SHANK2: variants seen among roughly 807,000 people sequenced by gnomAD.
SHANK2 encodes the protein SH3 and multiple ankyrin repeat domains protein 2.
Under a neutral mutation model 133.7 loss-of-function variants are expected in SHANK2, and 43 were observed. The observed-to-expected ratio is 0.32, with a 90% CI of 0.25 to 0.41. The LOEUF is 0.41. SHANK2 is among the 10% of genes least tolerant of loss of function. The pLI is 1.00. For synonymous variants in SHANK2, 1,017 were observed against 952.8 expected (o/e 1.07, Z -1.24); for missense variants, 1,994 against 2,235.8 (o/e 0.89, Z 2.18).
chr11:70,780,908 T>C (rs527954776), intron 14 of SHANK2, among the ~76,000 whole-genome samples: 1 of 152,236 alleles, frequency 6.6e-6, no homozygotes, highest in East Asian at 1.9e-4. Flanking sequence ...AATAGTTTTT[T>C]TGTTTTGTGT....
chr11:70,674,971 T>A lies in SHANK2; in HGVS notation c.1854-13293A>T, dbSNP rs1944881124. On this transcript the variant is annotated intron_variant, in intron 15 of 25. Transcript: ENST00000601538. ...GCATATAACTATGTATAATAAAAACTAAGAAAAGTCTCAATCTTGCTGCAG... is the reference window on the plus strand; with the variant it reads ...GCATATAACTATGTATAATAAAAACAAAGAAAAGTCTCAATCTTGCTGCAG... Among the ~76,000 whole-genome samples the A allele has an allele frequency of 3.9e-5, 6 of 152,354 alleles. No homozygotes were observed. The South Asian group carries it at 1.2e-3, about 32-fold the overall frequency.
chr11:71,081,860 C>T (rs1014730235), intron 8 of SHANK2, among the ~76,000 whole-genome samples: 11 of 152,222 alleles, frequency 7.2e-5, no homozygotes, highest in Non-Finnish European at 1.0e-4. Flanking sequence ...CAGGGGCAGA[C>T]CCTGAGCCCC....
chr11:70,847,943 G>A (rs985427039), intron 11 of SHANK2, among the ~76,000 whole-genome samples: 1 of 152,228 alleles, frequency 6.6e-6, no homozygotes, highest in Non-Finnish European at 1.5e-5. Flanking sequence ...GAGACCTGGG[G>A]AGCCCAGGGC....
chr11:70,804,252 C>T lies in SHANK2; in HGVS notation c.1663+2750G>A, dbSNP rs944026867. Among the ~76,000 whole-genome samples, 51 of 151,922 alleles carry T rather than the reference C, an allele frequency of 3.4e-4. No homozygotes were observed. Among genetic ancestry groups the T allele is most frequent in the Non-Finnish European group, 1.5e-4 (10 of 67,832 alleles). On this transcript the variant is annotated intron_variant, in intron 13 of 25. Coordinates refer to ENST00000601538, the MANE Select transcript of SHANK2 (RefSeq NM_012309.5). This position sits in a 1 kb window ranked among gnomAD's most constrained non-coding sequence, Gnocchi z 4.1. ...TGGCTCTGCAGGCAGTGGATCGGCT[C>T]GACCCGCCCGCCTCTAAGCACTGCC... is the stretch of plus-strand genomic sequence containing the variant.
At chr11:70,478,563 A>AAGAT (rs1425093973) in intron 25 of SHANK2, among the ~76,000 whole-genome samples, 1 of 152,220 alleles carries the variant, frequency 6.6e-6, no homozygotes, top group African/African-American at 2.4e-5. Context: ...GGGCATTGAA[A>AAGAT]AGATAGAACC....
At chr11:70,751,445 T>G (rs1378073498) in intron 14 of SHANK2, among the ~76,000 whole-genome samples, 3 of 152,130 alleles carry the variant, frequency 2.0e-5, no homozygotes, top group African/African-American at 7.2e-5. Context: ...AAAGGTTAAA[T>G]CAAGACATTT....
intron 17 of SHANK2, among the ~76,000 whole-genome samples, chr11:70,561,525 C>T (rs1284796000): frequency 4.0e-5 from 6 of 151,584 alleles, no homozygotes; most frequent in Non-Finnish European, 8.8e-5. Context: ...ACTTCTTCTG[C>T]TTGCTTGTTG....
rs554375787 is a variant in SHANK2 at position 70,903,813 on chromosome 11, G to T, written c.1108-7246C>A. On this transcript the variant is annotated intron_variant, in intron 10 of 25. Coordinates refer to ENST00000601538, the MANE Select transcript of SHANK2 (RefSeq NM_012309.5). ...TCCAGCTTTGCAGTACCAGGAGAAGGTGCTGTGTGCCAGATGCAAAGCCCC... is the reference window on the plus strand; with the variant it reads ...TCCAGCTTTGCAGTACCAGGAGAAGTTGCTGTGTGCCAGATGCAAAGCCCC... Among the ~76,000 whole-genome samples the T allele has an allele frequency of 3.3e-5, 5 of 152,326 alleles. No individual in the cohort carries two copies. The East Asian group carries it at 9.6e-4, about 29-fold the overall frequency.
intron 17 of SHANK2, among the ~76,000 whole-genome samples, chr11:70,658,012 G>T (rs1383623858): frequency 1.3e-5 from 2 of 152,262 alleles, no homozygotes; most frequent in East Asian, 1.9e-4. Context: ...TATTGATGAG[G>T]TTATCCAGGA....
In SHANK2 at chr11:70,882,475, C is replaced by T. The variant is rs1197334757; in HGVS notation, c.1174+14026G>A. ...AATGGCCCAGTGAAAAAGATCATGACAGAAGCTGCCAAGGATTCCTTACCT... is the reference window on the plus strand; with the variant it reads ...AATGGCCCAGTGAAAAAGATCATGATAGAAGCTGCCAAGGATTCCTTACCT... On this transcript the variant is annotated intron_variant, in intron 11 of 25. Coordinates refer to ENST00000601538, the MANE Select transcript of SHANK2 (RefSeq NM_012309.5). This position sits in a 1 kb window ranked among gnomAD's most constrained non-coding sequence, Gnocchi z 4.2. Among the ~76,000 whole-genome samples, 1 of 152,310 alleles carries T rather than the reference C, an allele frequency of 6.6e-6. No individual in the cohort carries two copies. The highest frequency in any genetic ancestry group is 1.5e-5 in the Non-Finnish European group (1 of 68,030).
At chr11:71,181,090 G>A (rs1326027191) in intron 2 of SHANK2, among the ~76,000 whole-genome samples, 1 of 152,124 alleles carries the variant, frequency 6.6e-6, no homozygotes, top group Non-Finnish European at 1.5e-5. Flanking sequence ...GATGGCGGAA[G>A]ATCCTTGAGT....
chr11:71,225,503 T>C (rs1565526678), intron 1 of SHANK2, among the ~76,000 whole-genome samples: 1 of 152,208 alleles, frequency 6.6e-6, no homozygotes, highest in African/African-American at 2.4e-5. Flanking sequence ...CACCTTCCCT[T>C]GTGGAAGTGG....
At chr11:70,820,706 G>A (rs1555055756) in intron 11 of SHANK2, 24 bp from the exon 12 acceptor site, 2 of 645,546 alleles carry the variant, frequency 3.1e-6, no homozygotes, top group Non-Finnish European at 5.7e-6. Flanking sequence ...CATGGAGAGA[G>A]GCCGGTGAGT....
rs140890642 is a variant in SHANK2 at position 71,129,782 on chromosome 11, C to T, written c.208-10750G>A. Among the ~76,000 whole-genome samples the T allele has an allele frequency of 1.4e-3, 211 of 152,344 alleles. 1 individual carries two copies. The highest frequency in any genetic ancestry group is 4.7e-3 in the African/African-American group (195 of 41,572). On this transcript the variant is annotated intron_variant, in intron 3 of 25. Coordinates refer to ENST00000601538, the MANE Select transcript of SHANK2 (RefSeq NM_012309.5). ...GTGGGCAGAATGCGGGCACTGGAGA[C>T]AGGCAGAGGCAGCTGTGTTTGGCCT...
chr11:71,167,542 C>G (rs1555111218), intron 2 of SHANK2, among the ~76,000 whole-genome samples: 2 of 118,682 alleles, frequency 1.7e-5, no homozygotes, highest in Admixed American at 8.0e-5. Context: ...GGGCGGGGGG[C>G]TGACCCCCCC....
chr11:71,106,716 G>A (rs2135198006), intron 6 of SHANK2, among the ~76,000 whole-genome samples: 1 of 152,294 alleles, frequency 6.6e-6, no homozygotes, highest in East Asian at 1.9e-4. Flanking sequence ...CTATTCAAGA[G>A]GCTGAGGTGG....
chr11:70,609,276 G>T (rs533144334), intron 17 of SHANK2, among the ~76,000 whole-genome samples: 16 of 152,358 alleles, frequency 1.1e-4, no homozygotes, highest in African/African-American at 3.6e-4. Context: ...GTTTCAAAGC[G>T]AAAGAGGAAG....
chr11:71,130,274 G>A (rs1469083876), intron 3 of SHANK2, among the ~76,000 whole-genome samples: 2 of 152,182 alleles, frequency 1.3e-5, no homozygotes, highest in Non-Finnish European at 1.5e-5. Flanking sequence ...TGCCTGTGTT[G>A]GGACACGTCC....
At chr11:71,234,403 A>AAATAAATAAATAAAT (rs1280214574) in intron 1 of SHANK2, among the ~76,000 whole-genome samples, 2 of 148,410 alleles carry the variant, frequency 1.3e-5, no homozygotes, top group African/African-American at 5.2e-5. Context: ...ATAAATAAAT[A>AAATAAATAAATAAAT]ACAACAAAAT....
Sources: allele counts gnomAD v4.1 joint callset (sites outside exome capture counted in the v4.1 genomes callset), GRCh38; gene constraint gnomAD v4.1.1; non-coding constraint Gnocchi (gnomAD v3.1); transcripts MANE v1.5; gene names NCBI Gene and HGNC (gene_info 2026-07-23, HGNC 2026-07-21).